UBR4: variants seen among roughly 807,000 people sequenced by gnomAD.
UBR4 encodes ubiquitin protein ligase E3 component n-recognin 4.
UBR4 carries 124 observed loss-of-function variants against 575.6 expected under a neutral mutation model. The ratio of observed to expected loss-of-function variants is 0.22; its 90% CI spans 0.19 to 0.25. The LOEUF (loss-of-function observed/expected upper bound fraction) is 0.25, where lower values mean the gene tolerates loss of function less well. UBR4 is among the 10% of genes least tolerant of loss of function. The probability of loss-of-function intolerance (pLI) is 1.00; values close to 1 mark genes in which losing one functional copy is unlikely to be tolerated. For synonymous variants in UBR4, 2,455 were observed against 2,473.7 expected (o/e 0.99, Z 0.22); for missense variants, 4,818 against 6,478.8 (o/e 0.74, Z 8.80).
intron 103 of UBR4, 41 bp downstream of exon 103, chr1:19,081,308 T>C (rs752667233): frequency 1.7e-5 from 25 of 1,512,734 alleles, no homozygotes; most frequent in African/African-American, 2.8e-5. Flanking sequence ...AAACTGATGA[T>C]GGGAAATAGT....
At chr1:19,096,788 A>G in intron 91 of UBR4, 138 bp from the exon 92 acceptor site, 3 of 1,276,582 alleles carry the variant, frequency 2.4e-6, no homozygotes, top group Non-Finnish European at 3.2e-6. Context: ...ACGGCCAATA[A>G]AAGGGGTCAA....
At chr1:19,127,165 C>G (rs950004421) in intron 63 of UBR4, among the ~76,000 whole-genome samples, 2 of 152,150 alleles carry the variant, frequency 1.3e-5, no homozygotes, top group African/African-American at 2.4e-5. Flanking sequence ...ATTAGAAGAG[C>G]CTTGCAAATC....
chr1:19,164,151 T>C (rs901325619), intron 33 of UBR4, 102 bp downstream of exon 33: 21 of 1,362,622 alleles, frequency 1.5e-5, no homozygotes, highest in Non-Finnish European at 1.9e-5. Flanking sequence ...AATGAAAGGG[T>C]AGAGATTCAA....
At chr1:19,186,342 A>G (rs1183440680) in intron 14 of UBR4, among the ~76,000 whole-genome samples, 198 bp downstream of exon 14, 1 of 152,224 alleles carries the variant, frequency 6.6e-6, no homozygotes, top group Non-Finnish European at 1.5e-5. Flanking sequence ...AGTTGTTTCC[A>G]TCATTCATTC....
In UBR4 at chr1:19,106,570, T is replaced by C. The variant is rs752951015; in HGVS notation, c.12392A>G (p.Gln4131Arg). Reference sequence around the variant, plus strand: ...AAGAGTCCAGAAGTGGCCACTCACTTGTCGCAGCCAGTTGTTATGCCCCAG... The same window carrying C: ...AAGAGTCCAGAAGTGGCCACTCACTCGTCGCAGCCAGTTGTTATGCCCCAG... ...LKLGHNNWLRQVLFTPATQAA... is the reference protein window; with the variant it reads ...LKLGHNNWLRRVLFTPATQAA... Residue 4131 changes from glutamine to arginine, a missense_variant and splice_region_variant, in exon 83 of 106, where the codon CAA becomes CGA. By Grantham distance (43) the Gln-to-Arg change is conservative. Around this residue, in one of 29 missense-constraint regions of UBR4, gnomAD observed 178 missense variants for 175.5 expected, o/e 1.01. Coordinates refer to ENST00000375254, the MANE Select transcript of UBR4 (RefSeq NM_020765.3). 4 of 1,558,462 alleles carry C rather than the reference T, an allele frequency of 2.6e-6. No individual in the cohort carries two copies. Among genetic ancestry groups the C allele is most frequent in the Non-Finnish European group, 3.5e-6 (4 of 1,154,202 alleles).
intron 17 of UBR4, among the ~76,000 whole-genome samples, chr1:19,182,102 G>A (rs546460154): frequency 1.2e-4 from 18 of 152,228 alleles, no homozygotes; most frequent in Admixed American, 3.3e-4. Flanking sequence ...ATGTCTTTAC[G>A]GTTTATCCAT....
At chr1:19,140,662 C>A in intron 58 of UBR4, 126 bp downstream of exon 58, 1 of 999,000 alleles carries the variant, frequency 1.0e-6, no homozygotes. Flanking sequence ...CTTTCTAAAG[C>A]CAAGGCAGAA....
intron 63 of UBR4, among the ~76,000 whole-genome samples, chr1:19,127,047 G>A (rs11590751): frequency 3.2e-4 from 49 of 152,264 alleles, no homozygotes; most frequent in Middle Eastern, 3.4e-3. Flanking sequence ...ACTTCTGAAC[G>A]ACCCCACCCC....
chr1:19,099,825 G>A (rs1375640469), intron 89 of UBR4, 148 bp from the exon 90 acceptor site: 22 of 658,124 alleles, frequency 3.3e-5, no homozygotes, highest in East Asian at 5.6e-5. Flanking sequence ...TAAAAAATCC[G>A]CACGTATGAA....
chr1:19,167,436 C>G (rs189796635), intron 28 of UBR4, among the ~76,000 whole-genome samples: 1 of 152,144 alleles, frequency 6.6e-6, no homozygotes, highest in African/African-American at 2.4e-5. Flanking sequence ...ATTATTATAT[C>G]AGAAACAAAA....
intron 13 of UBR4, 66 bp downstream of exon 13, chr1:19,187,098 A>G (rs2091615952): frequency 4.1e-6 from 4 of 986,194 alleles, no homozygotes; most frequent in Non-Finnish European, 5.3e-6. Flanking sequence ...ATATATATAC[A>G]TATATATATC....
intron 20 of UBR4, among the ~76,000 whole-genome samples, chr1:19,175,614 T>C (rs1478970258): frequency 6.6e-6 from 1 of 152,184 alleles, no homozygotes; most frequent in Admixed American, 6.5e-5. Flanking sequence ...AATCTCATGT[T>C]CACATTCGTT....
intron 1 of UBR4, among the ~76,000 whole-genome samples, chr1:19,202,701 A>G (rs577456039): frequency 3.9e-4 from 59 of 152,208 alleles, no homozygotes; most frequent in African/African-American, 1.3e-3. Flanking sequence ...CTTCTGAAAA[A>G]ATCTAGAGAC....
chr1:19,156,727 C>A (rs565333350), intron 41 of UBR4, 40 bp downstream of exon 41: 4 of 1,589,548 alleles, frequency 2.5e-6, no homozygotes, highest in South Asian at 1.1e-5. Context: ...TGACTAGAAT[C>A]CACAGCTCAA....
At chr1:19,174,057 T>C (rs1009806) in intron 22 of UBR4, among the ~76,000 whole-genome samples, 41,935 of 152,056 alleles carry the variant, frequency 0.28, 6,636 homozygotes, top group East Asian at 0.61. Context: ...TCAACCAGTA[T>C]TGACAGGAGA....
chr1:19,092,748 T>C lies in UBR4; in HGVS notation c.14211+71A>G, dbSNP rs1213645419. 4.7e-6 allele frequency: 6 copies of C among 1,278,794 alleles called. No homozygotes were observed. The Admixed American group carries it at 1.4e-4, about 31-fold the overall frequency. 79.2% of individuals were successfully genotyped at this position (1,278,794 alleles called of 1,614,324 possible). A position where few individuals can be genotyped will look rare whatever the true frequency, so the allele number is the denominator to read the frequency against. ...AAGTCTCATATATTAGGGTAAGTCA[T>C]GTCTCAAGGTAAACTAGGGTAGTTA... On this transcript the variant is annotated intron_variant, in intron 97 of 105. Transcript: ENST00000375254.
chr1:19,148,257 G>GAAA (rs199984248), intron 50 of UBR4, 130 bp from the exon 51 acceptor site: 13 of 938,688 alleles, frequency 1.4e-5, no homozygotes, highest in Middle Eastern at 3.6e-4. Context: ...ACTGCAAAGA[G>GAAA]AAAAAAAAAA....
chr1:19,174,844 C>T, intron 21 of UBR4, 110 bp downstream of exon 21: 1 of 992,556 alleles, frequency 1.0e-6, no homozygotes, highest in East Asian at 2.5e-5. Context: ...GTAACACAGA[C>T]CACATTTCCT....
intron 60 of UBR4, among the ~76,000 whole-genome samples, chr1:19,133,978 C>T (rs1199210919): frequency 6.7e-6 from 1 of 149,048 alleles, no homozygotes; most frequent in African/African-American, 2.5e-5. Context: ...CCCAGCTACT[C>T]AGGAGGCTGA....
Sources: allele counts gnomAD v4.1 joint callset (sites outside exome capture counted in the v4.1 genomes callset), GRCh38; gene constraint gnomAD v4.1.1; regional missense constraint gnomAD v4.1.1; transcripts MANE v1.5; gene names NCBI Gene and HGNC (gene_info 2026-07-23, HGNC 2026-07-21).